The following PIRT variants were observed in gnomAD, a reference collection of about 807,000 sequenced individuals.
PIRT encodes the protein phosphoinositide interacting regulator of transient receptor potential channels.
A neutral mutation model predicts 7.9 loss-of-function variants in PIRT; 6 were observed. The observed-to-expected ratio is 0.76, with a 90% confidence interval of 0.42 to 1.51. PIRT has a LOEUF of 1.51. Among genes scored for constraint, PIRT ranks in the 40% most tolerant of loss-of-function variants. The probability of loss-of-function intolerance (pLI) is 0.01; values close to 1 mark genes in which losing one functional copy is unlikely to be tolerated. For synonymous variants in PIRT, 78 were observed against 71.8 expected (o/e 1.09, Z -0.44); for missense variants, 170 against 172.9 (o/e 0.98, Z 0.09).
At chr17:10,828,589 G>C (rs1020711750) in intron 1 of PIRT, among the ~76,000 whole-genome samples, 3 of 152,152 alleles carry the variant, frequency 2.0e-5, no homozygotes, top group Admixed American at 2.0e-4. Flanking sequence ...AAGAGGAAGG[G>C]GCAGGTTGCA....
At chr17:10,837,623 T>C (rs1265663192) in intron 1 of PIRT, among the ~76,000 whole-genome samples, 1 of 152,192 alleles carries the variant, frequency 6.6e-6, no homozygotes, top group African/African-American at 2.4e-5. Flanking sequence ...CTTCCCACAA[T>C]GGCTGCTAAG....
chr17:10,826,252 C>A (rs1434582510), intron 1 of PIRT, among the ~76,000 whole-genome samples: 2 of 152,242 alleles, frequency 1.3e-5, no homozygotes, highest in Admixed American at 6.5e-5. Context: ...GCATGAGCCA[C>A]CGCACCCGGC....
At position 10,825,719 on chromosome 17, in the gene PIRT, C is replaced by T. The variant is rs1905299639; in HGVS notation, c.-74G>A. On this transcript the variant is annotated 5_prime_UTR_variant, in exon 2 of 2. In the 5' UTR this introduces an upstream ATG that the reference lacks. Transcript: ENST00000580256. ...GTGGAGCCAAAGGAATCCTCACACACCCTTCCTGTACTCAGCATCCATCTC... is the reference window on the plus strand; with the variant it reads ...GTGGAGCCAAAGGAATCCTCACACATCCTTCCTGTACTCAGCATCCATCTC... 2.8e-6 allele frequency: 4 copies of T among 1,412,772 alleles called. No homozygotes were observed. The African/African-American group carries it at 5.8e-5, about 20-fold the overall frequency. The allele number at this position is 1,412,772 out of a possible 1,614,324, so 87.5% of individuals were successfully genotyped here.
At chr17:10,834,979 C>T (rs1025708841) in intron 1 of PIRT, among the ~76,000 whole-genome samples, 3 of 151,902 alleles carry the variant, frequency 2.0e-5, no homozygotes, top group Non-Finnish European at 4.4e-5. Context: ...CCTTCCCACC[C>T]GGTGGTTGTA....
rs968305294 is a variant in PIRT, at chr17:10,824,244, G to A, written c.*988C>T. 4 of 152,346 alleles carry A rather than the reference G, an allele frequency of 2.6e-5. No homozygotes were observed. Among genetic ancestry groups the A allele is most frequent in the Admixed American group, 6.5e-5 (1 of 15,308 alleles). The allele number at this position is 152,346 out of a possible 1,614,324, so 9.4% of individuals were successfully genotyped here. On this transcript the variant is annotated 3_prime_UTR_variant, in exon 2 of 2. Transcript: ENST00000580256. ...CACTTAATAAATGTTGGCTTTTTTGGTGGGTGGGGGCAGGGATAACAGAAG... is the reference window on the plus strand; with the variant it reads ...CACTTAATAAATGTTGGCTTTTTTGATGGGTGGGGGCAGGGATAACAGAAG...
intron 1 of PIRT, among the ~76,000 whole-genome samples, chr17:10,837,122 G>A (rs968341927): frequency 6.6e-6 from 1 of 152,202 alleles, no homozygotes; most frequent in African/African-American, 2.4e-5. Flanking sequence ...TGCTCATAGC[G>A]CTTCTAGGAA....
rs202037209 is a variant in PIRT at position 10,825,638 on chromosome 17, A to C, written c.8T>G (p.Met3Arg). Residue 3 changes from methionine (M) to arginine (R), a missense_variant, in exon 2 of 2, where the codon ATG becomes AGG. Transcript: ENST00000580256. MT[M>R]ETLPKVLEVD... ...CTCTAGAACCTTGGGGAGAGTCTCC[A>C]TCGTCATGGTTGCTCAGGACTGGGC... is the stretch of plus-strand genomic sequence containing the variant. The C allele has an allele frequency of 5.6e-4, 831 of 1,481,218 alleles. 1 individual carries two copies. The highest frequency in any genetic ancestry group is 7.1e-4 in the Non-Finnish European group (794 of 1,113,536). 91.8% of individuals were successfully genotyped at this position (1,481,218 alleles called of 1,614,324 possible).
chr17:10,831,236 T>C (rs1905456027), intron 1 of PIRT, among the ~76,000 whole-genome samples: 1 of 152,204 alleles, frequency 6.6e-6, no homozygotes, highest in Admixed American at 6.5e-5. Context: ...TCAATTAAGT[T>C]ACTGGTAGTT....
chr17:10,825,172 C>T lies in PIRT; in HGVS notation c.*60G>A, dbSNP rs142003214. On this transcript the variant is annotated 3_prime_UTR_variant, in exon 2 of 2. Transcript: ENST00000580256. ...CACCCCACAGAGGAGACAGGGATGT[C>T]GGATGTTGGTCATCAGATCTTCTCC... 3.0e-5 allele frequency: 47 copies of T among 1,564,536 alleles called. No homozygotes were observed. Among genetic ancestry groups the T allele is most frequent in the African/African-American group, 2.8e-4 (21 of 74,102 alleles).
Position 10,822,848 on chromosome 17 carries a change from T to G in PIRT, c.*2384A>C, listed in dbSNP as rs1905236838. 6.6e-6 allele frequency: 1 copy of G among 152,190 alleles called. No individual in the cohort carries two copies. The highest frequency in any genetic ancestry group is 1.5e-5 in the Non-Finnish European group (1 of 68,040). The allele number at this position is 152,190 out of a possible 1,614,324, so 9.4% of individuals were successfully genotyped here. Reference sequence around the variant, plus strand: ...GGATATTTCCTCATATTCTCTTTGCTGAGAAACTAGCTTGAGTGGGCAGGG... The same window carrying G: ...GGATATTTCCTCATATTCTCTTTGCGGAGAAACTAGCTTGAGTGGGCAGGG... On this transcript the variant is annotated 3_prime_UTR_variant, in exon 2 of 2. Transcript: ENST00000580256.
rs1049394941 is a variant in PIRT, at chr17:10,822,711, G to A, written c.*2521C>T. ...CCAGATCAGGTGCATCCGTACCTCA[G>A]CCTTCCATGGGGTAACAGGCATTGG... On this transcript the variant is annotated 3_prime_UTR_variant, in exon 2 of 2. Transcript: ENST00000580256. The A allele has an allele frequency of 1.3e-5, 2 of 152,186 alleles. No individual in the cohort carries two copies. Among genetic ancestry groups the A allele is most frequent in the Non-Finnish European group, 2.9e-5 (2 of 68,034 alleles). 9.4% of individuals were successfully genotyped at this position (152,186 alleles called of 1,614,324 possible).
At chr17:10,836,166 G>A (rs949896937) in intron 1 of PIRT, among the ~76,000 whole-genome samples, 1 of 152,192 alleles carries the variant, frequency 6.6e-6, no homozygotes, top group Non-Finnish European at 1.5e-5. Flanking sequence ...GCTTCCCAAA[G>A]TGCTAGGATT....
chr17:10,835,797 G>A (rs535339679), intron 1 of PIRT, among the ~76,000 whole-genome samples: 2 of 152,184 alleles, frequency 1.3e-5, no homozygotes, highest in Admixed American at 6.5e-5. Context: ...CACTTTCTTC[G>A]CCTGGGGAGT....
chr17:10,830,813 T>C (rs1037922973), intron 1 of PIRT, among the ~76,000 whole-genome samples: 22 of 152,216 alleles, frequency 1.4e-4, no homozygotes, highest in African/African-American at 4.6e-4. Flanking sequence ...ACAATGGCAC[T>C]GTTGGCATTG....
At chr17:10,827,713 G>T (rs1333917880) in intron 1 of PIRT, among the ~76,000 whole-genome samples, 1 of 151,896 alleles carries the variant, frequency 6.6e-6, no homozygotes, top group Non-Finnish European at 1.5e-5. Context: ...GACCTCAGGT[G>T]ATCCACCCTC....
At position 10,825,710 on chromosome 17, in the gene PIRT, C is replaced by T; in HGVS notation, c.-65G>A. ...GAAACAAGAGTGGAGCCAAAGGAAT[C>T]CTCACACACCCTTCCTGTACTCAGC... is the stretch of plus-strand genomic sequence containing the variant. On this transcript the variant is annotated 5_prime_UTR_variant, in exon 2 of 2. Transcript: ENST00000580256. 1 of 1,422,332 alleles carries T rather than the reference C, an allele frequency of 7.0e-7. No homozygotes were observed. Among genetic ancestry groups the T allele is most frequent in the East Asian group, 2.5e-5 (1 of 39,744 alleles). The allele number at this position is 1,422,332 out of a possible 1,614,324, so 88.1% of individuals were successfully genotyped here. A position where few individuals can be genotyped will look rare whatever the true frequency, so the allele number is the denominator to read the frequency against.
rs546105685 is a variant in PIRT at position 10,827,465 on chromosome 17, CTTTT to C, written c.-138-1686_-138-1683del. 4.1e-3 allele frequency among the ~76,000 whole-genome samples: 231 copies of C among 56,306 alleles called. 2 individuals carry two copies. Among genetic ancestry groups the C allele is most frequent in the African/African-American group, 0.015 (199 of 13,340 alleles). 36.9% of individuals were successfully genotyped at this position (56,306 alleles called of 152,430 possible). On this transcript the variant is annotated intron_variant, in intron 1 of 1. Transcript: ENST00000580256. ...TCTTTCTTTTCTTTCTTTTTCTTTTCTTTTTTTTTTTTTTTTTTTTTTTTTTGAA... is the reference window on the plus strand; with the variant it reads ...TCTTTCTTTTCTTTCTTTTTCTTTTCTTTTTTTTTTTTTTTTTTTTTTGAA...
chr17:10,832,275 C>G (rs532777703), intron 1 of PIRT, among the ~76,000 whole-genome samples: 2 of 152,108 alleles, frequency 1.3e-5, no homozygotes, highest in Non-Finnish European at 2.9e-5. Context: ...TCACCGCAAC[C>G]GCCGCCTCCT....
chr17:10,833,254 T>C (rs1409241879), intron 1 of PIRT, among the ~76,000 whole-genome samples: 1 of 152,042 alleles, frequency 6.6e-6, no homozygotes, highest in East Asian at 1.9e-4. Context: ...ATGTAAAAGG[T>C]AAAACTATAA....
Sources: gnomAD v4.1 joint callset for allele counts (sites outside exome capture counted in the v4.1 genomes callset) on GRCh38, gnomAD v4.1.1 for gene constraint, MANE v1.5 for transcripts, NCBI Gene and HGNC (gene_info 2026-07-23, HGNC 2026-07-21) for gene names.